The following KIF5C variants were observed in gnomAD, a reference collection of about 807,000 sequenced individuals.
KIF5C encodes the protein kinesin family member 5C, also known as kinesin heavy chain isoform 5C.
A neutral mutation model predicts 125.2 loss-of-function variants in KIF5C; 18 were observed. The ratio of observed to expected loss-of-function variants is 0.14; its 90% CI spans 0.10 to 0.21. The LOEUF is 0.21. Ranked by LOEUF, KIF5C falls within the 10% of genes least tolerant of loss-of-function variation. KIF5C has a pLI of 1.00. For synonymous variants in KIF5C, 405 were observed against 434.0 expected (o/e 0.93, Z 0.83); for missense variants, 780 against 1,183.8 (o/e 0.66, Z 5.01).
intron 8 of KIF5C, chr2:148,947,790 G>A (rs1165143413): frequency 4.7e-6 from 2 of 426,388 alleles, no homozygotes; most frequent in Non-Finnish European, 9.5e-6. Context: ...CATAGAGCAA[G>A]GCCATGTGCA....
At chr2:148,957,603 A>AC (rs141545387) in intron 10 of KIF5C, among the ~76,000 whole-genome samples, 68,349 of 142,824 alleles carry the variant, frequency 0.48, 17,846 homozygotes, top group Non-Finnish European at 0.57. Context: ...AAAAAAAAAA[A>AC]AAAAAAAAAA....
At chr2:148,998,869 A>AG (rs1390406628) in intron 19 of KIF5C, 61 of 184,020 alleles carry the variant, frequency 3.3e-4, no homozygotes, top group South Asian at 1.5e-3. Context: ...AGAAAAGAAA[A>AG]AAAAAAAATT....
chr2:148,926,873 T>A (rs1216443200), intron 2 of KIF5C, among the ~76,000 whole-genome samples: 2 of 152,208 alleles, frequency 1.3e-5, no homozygotes. Context: ...CAGCAGTGAA[T>A]GAACTGTAAC....
chr2:148,883,169 A>C (rs535845150), intron 1 of KIF5C, among the ~76,000 whole-genome samples: 13 of 152,320 alleles, frequency 8.5e-5, no homozygotes, highest in African/African-American at 3.1e-4. Context: ...TGCTCAGTGA[A>C]GAAAATTTAG....
chr2:148,987,333 A>G (rs1006983789), intron 15 of KIF5C, among the ~76,000 whole-genome samples: 1 of 152,190 alleles, frequency 6.6e-6, no homozygotes, highest in African/African-American at 2.4e-5. Context: ...CAAAGGGTGA[A>G]GCAGAGGATA....
At chr2:148,908,059 T>C (rs1208550879) in intron 1 of KIF5C, among the ~76,000 whole-genome samples, 1 of 152,226 alleles carries the variant, frequency 6.6e-6, no homozygotes, top group Non-Finnish European at 1.5e-5. Flanking sequence ...CTAGCCTGGA[T>C]TTTCTTTTGT....
At chr2:148,914,769 A>C (rs1414344544) in intron 1 of KIF5C, among the ~76,000 whole-genome samples, 1 of 152,212 alleles carries the variant, frequency 6.6e-6, no homozygotes, top group Non-Finnish European at 1.5e-5. Flanking sequence ...GGGGGAGGGC[A>C]ATGTCCAGGG....
At chr2:148,891,034 T>C (rs1043351977) in intron 1 of KIF5C, among the ~76,000 whole-genome samples, 3 of 152,294 alleles carry the variant, frequency 2.0e-5, no homozygotes, top group Middle Eastern at 3.4e-3. Flanking sequence ...TAAAGTATAA[T>C]AAAGTAATTT....
At chr2:148,900,477 A>C (rs1004317741) in intron 1 of KIF5C, among the ~76,000 whole-genome samples, 2 of 152,192 alleles carry the variant, frequency 1.3e-5, no homozygotes, top group African/African-American at 4.8e-5. Context: ...GCAGACAGTC[A>C]GCTGACATAG....
At chr2:148,980,675 CTTAT>C (rs5835290) in intron 13 of KIF5C, among the ~76,000 whole-genome samples, 48,841 of 144,418 alleles carry the variant, frequency 0.34, 8,442 homozygotes, top group South Asian at 0.43. Context: ...AGATCCTTTG[CTTAT>C]TTATTTATTT....
intron 21 of KIF5C, 127 bp downstream of exon 21, chr2:149,000,909 G>A: frequency 1.4e-6 from 2 of 1,475,970 alleles, no homozygotes; most frequent in South Asian, 2.8e-5. Flanking sequence ...GACATTCTAT[G>A]GAAAAGTAGG....
rs1247165855 is a variant in KIF5C, at chr2:149,025,024, A to T, written c.*1954A>T. The T allele has an allele frequency of 1.3e-5, 2 of 152,300 alleles. No individual in the cohort carries two copies. Among genetic ancestry groups the T allele is most frequent in the African/African-American group, 4.8e-5 (2 of 41,458 alleles). The allele number at this position is 152,300 out of a possible 1,614,324, so 9.4% of individuals were successfully genotyped here. On this transcript the variant is annotated 3_prime_UTR_variant, in exon 26 of 26. Coordinates refer to ENST00000435030, the MANE Select transcript of KIF5C (RefSeq NM_004522.3). Reference sequence around the variant, plus strand: ...TCCATTACTTTTTGTTTGGAAATTGAACAAAGGTCAGTAATGGTTTTTGGC... The same window carrying T: ...TCCATTACTTTTTGTTTGGAAATTGTACAAAGGTCAGTAATGGTTTTTGGC...
chr2:148,875,374 G>A lies in KIF5C; in HGVS notation c.-244G>A. 4.7e-6 allele frequency: 2 copies of A among 430,040 alleles called. No individual in the cohort carries two copies. The highest frequency in any genetic ancestry group is 3.7e-5 in the South Asian group (1 of 26,780). The allele number at this position is 430,040 out of a possible 1,614,324, so 26.6% of individuals were successfully genotyped here. A position where few individuals can be genotyped will look rare whatever the true frequency, so the allele number is the denominator to read the frequency against. On this transcript the variant is annotated 5_prime_UTR_variant, in exon 1 of 26. Coordinates refer to ENST00000435030, the MANE Select transcript of KIF5C (RefSeq NM_004522.3). ...CCGGGGGGCGCTGGGCAGGGGCGGG[G>A]CAGGGCCAGGGCAGGCCGGTCTGCA... is the stretch of plus-strand genomic sequence containing the variant.
chr2:148,917,388 G>A (rs567022740), intron 1 of KIF5C, among the ~76,000 whole-genome samples: 6 of 152,314 alleles, frequency 3.9e-5, no homozygotes, highest in African/African-American at 9.6e-5. Context: ...CCAGTACTCC[G>A]TAAAGGAAGA....
chr2:148,903,541 G>T (rs112059183), intron 1 of KIF5C, among the ~76,000 whole-genome samples: 1 of 152,142 alleles, frequency 6.6e-6, no homozygotes. Context: ...TATTTCCAAG[G>T]CCCGTCATGC....
At chr2:148,973,970 A>C (rs1185029020) in intron 12 of KIF5C, among the ~76,000 whole-genome samples, 1 of 152,200 alleles carries the variant, frequency 6.6e-6, no homozygotes, top group Non-Finnish European at 1.5e-5. Context: ...TGAGAAATCG[A>C]TAGCAGTGTG....
chr2:148,915,804 T>C (rs1681522940), intron 1 of KIF5C, among the ~76,000 whole-genome samples: 1 of 152,108 alleles, frequency 6.6e-6, no homozygotes, highest in African/African-American at 2.4e-5. Flanking sequence ...GAAGGACCCA[T>C]ATAGAGTGCG....
chr2:148,964,544 T>G (rs969788285), intron 11 of KIF5C, among the ~76,000 whole-genome samples: 11 of 152,122 alleles, frequency 7.2e-5, no homozygotes, highest in Admixed American at 2.0e-4. Flanking sequence ...AATAAATGTA[T>G]GATGGTAGTC....
At chr2:148,901,827 G>A (rs1403232434) in intron 1 of KIF5C, among the ~76,000 whole-genome samples, 2 of 152,112 alleles carry the variant, frequency 1.3e-5, no homozygotes, top group Non-Finnish European at 2.9e-5. Flanking sequence ...CATTTCAGAG[G>A]AAATACTGTT....
Sources: gnomAD v4.1 joint callset for allele counts (sites outside exome capture counted in the v4.1 genomes callset) on GRCh38, gnomAD v4.1.1 for gene constraint, MANE v1.5 for transcripts, NCBI Gene and HGNC (gene_info 2026-07-23, HGNC 2026-07-21) for gene names.